The following CRTAM variants were observed in gnomAD, a reference collection of about 807,000 sequenced individuals.
The protein encoded by CRTAM is cytotoxic and regulatory T cell molecule, also known as cytotoxic and regulatory T-cell molecule.
CRTAM carries 44 observed loss-of-function variants against 50.0 expected under a neutral mutation model. The observed-to-expected ratio is 0.88, with a 90% CI of 0.69 to 1.13. CRTAM has a LOEUF of 1.13. Among genes scored for constraint, CRTAM ranks in the 50% most tolerant of loss-of-function variants. CRTAM has a pLI of 0.00. For missense variants in CRTAM, 448 were observed against 457.5 expected (o/e 0.98, Z 0.19); for synonymous variants, 159 against 169.3 (o/e 0.94, Z 0.47).
intron 5 of CRTAM, among the ~76,000 whole-genome samples, chr11:122,859,682 T>A (rs968403534): frequency 6.6e-6 from 1 of 152,226 alleles, no homozygotes; most frequent in African/African-American, 2.4e-5. Context: ...TATTCTTCTT[T>A]GATGTTACAC....
intron 7 of CRTAM, among the ~76,000 whole-genome samples, chr11:122,866,018 C>T (rs1234614895): frequency 1.3e-5 from 2 of 152,022 alleles, no homozygotes; most frequent in South Asian, 4.1e-4. Flanking sequence ...CTTTTAGCAC[C>T]CTACCATCAA....
chr11:122,863,931 A>G (rs563489007), intron 6 of CRTAM, among the ~76,000 whole-genome samples: 1 of 152,188 alleles, frequency 6.6e-6, no homozygotes, highest in African/African-American at 2.4e-5. Context: ...GCAATGGACT[A>G]AAAAGCAAGA....
At chr11:122,845,573 G>T (rs1391123027) in intron 1 of CRTAM, among the ~76,000 whole-genome samples, 1 of 152,038 alleles carries the variant, frequency 6.6e-6, no homozygotes, top group African/African-American at 2.4e-5. Flanking sequence ...CAGATGTGCT[G>T]GTGGGTGCCT....
chr11:122,863,686 C>T (rs1453117182), intron 6 of CRTAM, among the ~76,000 whole-genome samples: 1 of 152,138 alleles, frequency 6.6e-6, no homozygotes, highest in Non-Finnish European at 1.5e-5. Context: ...GGAACAGCCA[C>T]ATCACTTGCT....
At chr11:122,867,630 A>C (rs1249128050) in intron 8 of CRTAM, 75 bp downstream of exon 8, 47 of 1,448,762 alleles carry the variant, frequency 3.2e-5, no homozygotes, top group Non-Finnish European at 4.4e-5. Context: ...AATTCTGTCC[A>C]TTAAAGCTTT....
In CRTAM at chr11:122,871,994, G is replaced by T. The variant is rs1338260839; in HGVS notation, c.*595G>T. On this transcript the variant is annotated 3_prime_UTR_variant, in exon 10 of 10. Transcript: ENST00000227348. ...TACTAAAAATGCAAAAATTAGCCAG[G>T]CGTAGTGGTGCGCACCTGTAGTCTC... 1.3e-5 allele frequency: 2 copies of T among 152,198 alleles called. No individual in the cohort carries two copies. Among genetic ancestry groups the T allele is most frequent in the African/African-American group, 2.4e-5 (1 of 41,394 alleles). The allele number at this position is 152,198 out of a possible 1,614,324, so 9.4% of individuals were successfully genotyped here.
chr11:122,870,834 T>G (rs1382928601), intron 9 of CRTAM, among the ~76,000 whole-genome samples: 2 of 152,146 alleles, frequency 1.3e-5, no homozygotes, highest in African/African-American at 4.8e-5. Context: ...ATCCCAGGAT[T>G]TGGGGAGGCT....
chr11:122,864,668 A>G lies in CRTAM; in HGVS notation c.766A>G (p.Ile256Val), dbSNP rs772790464. The G allele has an allele frequency of 6.2e-7, 1 of 1,613,742 alleles. No homozygotes were observed. The highest frequency in any genetic ancestry group is 8.5e-7 in the Non-Finnish European group (1 of 1,179,728). ...AACGGAAGATTCTAGTACATCGGAG[A>G]TTGACAAGGAAGAGAAAGAACAAAC... is the stretch of plus-strand genomic sequence containing the variant. The part of the protein sequence containing the change: ...SVTEDSSTSE[I>V]DKEEKEQTTQ... Residue 256 changes from isoleucine to valine, a missense_variant, in exon 7 of 10, where the codon ATT becomes GTT. Ile to Val is a conservative substitution (Grantham distance 29). Transcript: ENST00000227348.
chr11:122,869,909 C>T (rs997801964), intron 9 of CRTAM, among the ~76,000 whole-genome samples: 2 of 152,062 alleles, frequency 1.3e-5, no homozygotes, highest in Non-Finnish European at 2.9e-5. Flanking sequence ...TCTAAATACC[C>T]GTCATCACAT....
At chr11:122,843,576 C>A (rs561792285) in intron 1 of CRTAM, among the ~76,000 whole-genome samples, 54 of 152,156 alleles carry the variant, frequency 3.5e-4, no homozygotes, top group African/African-American at 1.3e-3. Context: ...CACTCGGGGT[C>A]TAATAAGAAA....
chr11:122,852,258 C>G (rs573082060), intron 3 of CRTAM, among the ~76,000 whole-genome samples: 8 of 152,100 alleles, frequency 5.3e-5, no homozygotes, highest in Admixed American at 2.0e-4. Context: ...GACAGCAAAT[C>G]CTAAGATAGA....
chr11:122,847,769 T>C (rs915556123), intron 1 of CRTAM, among the ~76,000 whole-genome samples: 2 of 152,220 alleles, frequency 1.3e-5, no homozygotes, highest in Non-Finnish European at 2.9e-5. Flanking sequence ...CATGTGGCTG[T>C]TGGCAAGTGG....
intron 3 of CRTAM, among the ~76,000 whole-genome samples, chr11:122,852,548 T>A (rs913864387): frequency 6.6e-5 from 10 of 152,188 alleles, no homozygotes; most frequent in Admixed American, 5.9e-4. Context: ...TGTCTTAGAC[T>A]TCTCCTGTTG....
intron 1 of CRTAM, among the ~76,000 whole-genome samples, chr11:122,840,740 A>C (rs971412120): frequency 1.2e-4 from 18 of 152,110 alleles, no homozygotes; most frequent in Non-Finnish European, 2.9e-5. Flanking sequence ...AGCAAATTAA[A>C]TTATGGGAAG....
chr11:122,853,752 C>A (rs552495251), intron 3 of CRTAM, among the ~76,000 whole-genome samples, 191 bp from the exon 4 acceptor site: 1 of 151,232 alleles, frequency 6.6e-6, no homozygotes, highest in Non-Finnish European at 1.5e-5. Flanking sequence ...TGGGAGGTGG[C>A]GGTTTCAGTG....
chr11:122,865,447 G>A (rs1312416856), intron 7 of CRTAM, among the ~76,000 whole-genome samples: 1 of 151,722 alleles, frequency 6.6e-6, no homozygotes, highest in Non-Finnish European at 1.5e-5. Flanking sequence ...TTTAGAGACA[G>A]GGTCTCTCTC....
At chr11:122,853,822 A>C in intron 3 of CRTAM, 121 bp from the exon 4 acceptor site, 1 of 891,158 alleles carries the variant, frequency 1.1e-6, no homozygotes, top group Admixed American at 3.3e-5. Context: ...TAAAAAAAAA[A>C]AGAAAGCCCA....
rs185431291 is a variant in CRTAM, at chr11:122,868,928, G to A, written c.1051+829G>A. On this transcript the variant is annotated intron_variant, in intron 9 of 9. Transcript: ENST00000227348. ...GGAGGCTGAGGCAGGAGAATGGCGTGAACCCGGGAGGCGGAGCTTGCAGTG... is the reference window on the plus strand; with the variant it reads ...GGAGGCTGAGGCAGGAGAATGGCGTAAACCCGGGAGGCGGAGCTTGCAGTG... Among the ~76,000 whole-genome samples the A allele has an allele frequency of 9.5e-3, 1,452 of 152,226 alleles. 9 individuals are homozygous for A. The highest frequency in any genetic ancestry group is 0.015 in the Non-Finnish European group (987 of 68,018).
At chr11:122,863,296 AAG>A (rs1303769698) in intron 6 of CRTAM, among the ~76,000 whole-genome samples, 39 of 149,664 alleles carry the variant, frequency 2.6e-4, no homozygotes, top group African/African-American at 8.9e-4. Context: ...AAAAGAAAGA[AAG>A]AGAGAAAGAA....
Sources: allele counts gnomAD v4.1 joint callset (sites outside exome capture counted in the v4.1 genomes callset), GRCh38; gene constraint gnomAD v4.1.1; transcripts MANE v1.5; gene names NCBI Gene and HGNC (gene_info 2026-07-23, HGNC 2026-07-21).